The following DTNBP1 variants were observed in gnomAD, a reference collection of about 807,000 sequenced individuals.
DTNBP1 encodes dysbindin.
Under a neutral mutation model 42.8 loss-of-function variants are expected in DTNBP1, and 35 were observed. That is an observed-to-expected ratio of 0.82 (90% confidence interval 0.63 to 1.09). The LOEUF is 1.09. DTNBP1 is among the 50% of genes least tolerant of loss of function. DTNBP1 has a pLI of 0.00. For synonymous variants in DTNBP1, 171 were observed against 162.2 expected, an observed-to-expected ratio of 1.05 and a Z score of -0.41; for missense variants, 457 against 424.2, an observed-to-expected ratio of 1.08 and a Z score of -0.68.
chr6:15,592,107 C>A, intron 7 of DTNBP1, among the ~76,000 whole-genome samples: 1 of 152,274 alleles, frequency 6.6e-6, no homozygotes, highest in East Asian at 1.9e-4. Context: ...GAGGAATATG[C>A]CTTTATACCT....
intron 3 of DTNBP1, among the ~76,000 whole-genome samples, chr6:15,650,129 G>GT (rs1275843065): frequency 1.3e-5 from 2 of 152,152 alleles, no homozygotes; most frequent in Non-Finnish European, 2.9e-5. Context: ...GAAAATGTAG[G>GT]TATCAGTGAT....
intron 1 of DTNBP1, among the ~76,000 whole-genome samples, chr6:15,655,051 G>C (rs1351068748): frequency 6.6e-6 from 1 of 152,166 alleles, no homozygotes; most frequent in Non-Finnish European, 1.5e-5. Flanking sequence ...TCTGAAAACT[G>C]TTGAATCTCA....
rs112518469 is a variant in DTNBP1, at chr6:15,550,013, C to T, written c.512-16618G>A. Among the ~76,000 whole-genome samples the T allele has an allele frequency of 2.3e-3, 344 of 152,284 alleles. 2 individuals carry two copies. The highest frequency in any genetic ancestry group is 7.9e-3 in the African/African-American group (330 of 41,560). On this transcript the variant is annotated intron_variant, in intron 7 of 9. Coordinates refer to ENST00000344537, the MANE Select transcript of DTNBP1 (RefSeq NM_032122.5). ...CACCTCACTTCAAGAACTTCCTGTC[C>T]AAAGGTGAGGGAACCTGACTACTGA...
intron 7 of DTNBP1, among the ~76,000 whole-genome samples, chr6:15,569,381 G>A (rs988554841): frequency 1.7e-5 from 2 of 121,066 alleles, no homozygotes; most frequent in African/African-American, 6.6e-5. Context: ...CGACAGGAAC[G>A]AAATCAGCGT....
At chr6:15,579,835 T>A in intron 7 of DTNBP1, 2 of 454,984 alleles carry the variant, frequency 4.4e-6, no homozygotes, top group Non-Finnish European at 8.8e-6. Flanking sequence ...AAAGAGTGAA[T>A]TTTGAATGTT....
At chr6:15,549,939 T>C (rs1426503218) in intron 7 of DTNBP1, among the ~76,000 whole-genome samples, 2 of 152,318 alleles carry the variant, frequency 1.3e-5, no homozygotes, top group East Asian at 3.9e-4. Flanking sequence ...TCTTGCCCCT[T>C]GACCCAAGCC....
intron 3 of DTNBP1, among the ~76,000 whole-genome samples, chr6:15,644,937 C>T (rs1043552053): frequency 1.3e-5 from 2 of 151,482 alleles, no homozygotes; most frequent in African/African-American, 4.8e-5. Context: ...CAGAGCAGAA[C>T]TAAATGAAAT....
At chr6:15,561,773 C>A (rs1464784290) in intron 7 of DTNBP1, among the ~76,000 whole-genome samples, 1 of 152,094 alleles carries the variant, frequency 6.6e-6, no homozygotes, top group African/African-American at 2.4e-5. Context: ...AGGAGGTTAG[C>A]AGAACTGGTA....
chr6:15,539,287 T>C (rs1161507466), intron 7 of DTNBP1, among the ~76,000 whole-genome samples: 2 of 152,206 alleles, frequency 1.3e-5, no homozygotes, highest in African/African-American at 4.8e-5. Context: ...CTGGGTGCCC[T>C]CTCTCCATTT....
intron 7 of DTNBP1, among the ~76,000 whole-genome samples, chr6:15,559,307 A>T (rs1198700827): frequency 6.6e-6 from 1 of 152,204 alleles, no homozygotes; most frequent in East Asian, 1.9e-4. Context: ...TCAGCATTTG[A>T]AGCAAATTGG....
At chr6:15,637,341 T>C (rs1428448880) in intron 4 of DTNBP1, among the ~76,000 whole-genome samples, 1 of 152,204 alleles carries the variant, frequency 6.6e-6, no homozygotes, top group Non-Finnish European at 1.5e-5. Flanking sequence ...TAATTTTGGA[T>C]AGACTGAGCA....
chr6:15,551,459 G>A (rs1774206012), intron 7 of DTNBP1, among the ~76,000 whole-genome samples: 1 of 152,164 alleles, frequency 6.6e-6, no homozygotes, highest in Non-Finnish European at 1.5e-5. Flanking sequence ...TGCGGAAGAA[G>A]GACACACAGC....
At chr6:15,579,770 A>T (rs2113566850) in intron 7 of DTNBP1, 2 of 438,278 alleles carry the variant, frequency 4.6e-6, no homozygotes, top group Middle Eastern at 1.5e-3. Flanking sequence ...GTGCCACTGC[A>T]CTACTCCAGC....
At chr6:15,611,381 T>G (rs986704057) in intron 6 of DTNBP1, among the ~76,000 whole-genome samples, 2 of 152,190 alleles carry the variant, frequency 1.3e-5, no homozygotes, top group Admixed American at 1.3e-4. Flanking sequence ...ACAATGCACC[T>G]GGTCACCCAA....
At chr6:15,583,938 T>C (rs979398544) in intron 7 of DTNBP1, among the ~76,000 whole-genome samples, 1 of 152,152 alleles carries the variant, frequency 6.6e-6, no homozygotes, top group African/African-American at 2.4e-5. Flanking sequence ...CCCTTCAATA[T>C]AGAACATCGT....
intron 7 of DTNBP1, among the ~76,000 whole-genome samples, chr6:15,557,246 ATTTTTTT>A (rs34529397): frequency 5.9e-5 from 8 of 135,080 alleles, no homozygotes; most frequent in Admixed American, 3.0e-4. Context: ...GGGGGTGGGA[ATTTTTTT>A]TTTTTTTTTT....
intron 6 of DTNBP1, among the ~76,000 whole-genome samples, chr6:15,599,393 A>C (rs1581377708): frequency 6.6e-6 from 1 of 152,348 alleles, no homozygotes; most frequent in East Asian, 1.9e-4. Context: ...ACAGATAGTA[A>C]GTGACAGAAC....
Position 15,533,443 on chromosome 6 carries a change from G to A in DTNBP1, c.512-48C>T. ...GTTAGGGTTTGAAAAGGGACTGAGAGAGGAAATGGGTATAAACAGCTGCTC... is the reference window on the plus strand; with the variant it reads ...GTTAGGGTTTGAAAAGGGACTGAGAAAGGAAATGGGTATAAACAGCTGCTC... On this transcript the variant is annotated intron_variant, in intron 7 of 9. Transcript: ENST00000344537. 1.2e-6 allele frequency: 2 copies of A among 1,614,030 alleles called. 1 individual carries two copies. Among genetic ancestry groups the A allele is most frequent in the South Asian group, 2.2e-5 (2 of 91,068 alleles).
rs1772223308 is a variant in DTNBP1, at chr6:15,524,566, G to A, written c.771C>T (p.Asn257=). The A allele has an allele frequency of 6.2e-7, 1 of 1,611,428 alleles. No homozygotes were observed. Among genetic ancestry groups the A allele is most frequent in the Non-Finnish European group, 8.5e-7 (1 of 1,178,444 alleles). Residue 257 remains asparagine, a synonymous_variant, in exon 9 of 10, where the codon AAC becomes AAT. Transcript: ENST00000344537. The part of the protein sequence containing the change: ...SDQEALDVFL[N]SGGEENTVLS... The stretch of plus-strand genomic sequence containing the variant: ...GCACAGTGTTCTCTTCTCCTCCAGA[G>A]TTCAGGAAGACGTCCAGGGCCTCCT...
Sources: gnomAD v4.1 joint callset for allele counts (sites outside exome capture counted in the v4.1 genomes callset) on GRCh38, gnomAD v4.1.1 for gene constraint, MANE v1.5 for transcripts, NCBI Gene and HGNC (gene_info 2026-07-23, HGNC 2026-07-21) for gene names.